Variants in YEATS2 observed in about 807,000 individuals in gnomAD.
YEATS2 encodes YEATS domain-containing protein 2.
YEATS2 carries 77 observed loss-of-function variants against 163.2 expected under a neutral mutation model. That is an observed-to-expected ratio of 0.47 (90% confidence interval 0.39 to 0.57). The LOEUF (loss-of-function observed/expected upper bound fraction) is 0.57. Among genes scored for constraint, YEATS2 ranks in the 20% least tolerant of loss-of-function variants. YEATS2 has a pLI of 0.00. For missense variants in YEATS2, 1,549 were observed against 1,729.8 expected, an observed-to-expected ratio of 0.90 and a Z score of 1.85; for synonymous variants, 631 against 645.1, an observed-to-expected ratio of 0.98 and a Z score of 0.33.
chr3:183,798,235 A>G (rs913424595), intron 22 of YEATS2, among the ~76,000 whole-genome samples, 184 bp downstream of exon 22: 2 of 152,232 alleles, frequency 1.3e-5, no homozygotes, highest in Non-Finnish European at 2.9e-5. Context: ...TAGGGCACCA[A>G]TGCCAGGACT....
chr3:183,744,729 T>C (rs1577097339), intron 8 of YEATS2, among the ~76,000 whole-genome samples: 2 of 152,316 alleles, frequency 1.3e-5, no homozygotes, highest in East Asian at 3.9e-4. Context: ...TGTCATTTTT[T>C]AGTTAACTCT....
In YEATS2 at chr3:183,806,952, G is replaced by A. The variant is rs200560930; in HGVS notation, c.3871G>A (p.Glu1291Lys). 1 of 1,614,116 alleles carries A rather than the reference G, an allele frequency of 6.2e-7. No homozygotes were observed. The highest frequency in any genetic ancestry group is 1.3e-5 in the African/African-American group (1 of 75,034). ...QQFQKREPEN[E>K]EEVDILSLSE... is the part of the protein sequence containing the mutation. ...GTTCCAGAAAAGGGAACCCGAGAAT[G>A]AGGAGGAGGTGGACATCCTCAGCCT... The change falls in exon 28 of 31, where the codon GAG (glutamate) becomes AAG (lysine). Residue 1291 changes from glutamate (E) to lysine (K), a missense_variant. Transcript: ENST00000305135.
At chr3:183,718,707 G>GTTT in intron 4 of YEATS2, 115 bp downstream of exon 4, 1 of 905,762 alleles carries the variant, frequency 1.1e-6, no homozygotes, top group Non-Finnish European at 1.6e-6. Context: ...TTGTTTTTTG[G>GTTT]TTTTTTTTTG....
At chr3:183,733,491 C>G (rs1358725803) in intron 7 of YEATS2, among the ~76,000 whole-genome samples, 1 of 152,062 alleles carries the variant, frequency 6.6e-6, no homozygotes, top group Admixed American at 6.6e-5. Flanking sequence ...ACCTAAAACT[C>G]CAGGTATGGT....
At position 183,718,007 on chromosome 3, in the gene YEATS2, T is replaced by C. The variant is rs186521513; in HGVS notation, c.198+259T>C. On this transcript the variant is annotated intron_variant, in intron 3 of 30. Coordinates refer to ENST00000305135, the MANE Select transcript of YEATS2 (RefSeq NM_018023.5). ...TCTTCTGATAGCACAGCAGGGTGAC[T>C]ACAGTCAACAATAATTTATTGTACA... is the stretch of plus-strand genomic sequence containing the variant. 1.4e-4 allele frequency among the ~76,000 whole-genome samples: 22 copies of C among 152,280 alleles called. No individual in the cohort carries two copies. In the East Asian group the frequency reaches 4.1e-3, roughly 28 times the overall value.
intron 24 of YEATS2, chr3:183,800,941 C>G (rs1369846451): frequency 5.2e-6 from 1 of 191,174 alleles, no homozygotes; most frequent in Non-Finnish European, 1.1e-5. Context: ...CTCATCTTAG[C>G]TGCCTCTTCA....
At chr3:183,777,982 C>G (rs543106567) in intron 19 of YEATS2, among the ~76,000 whole-genome samples, 65 of 151,680 alleles carry the variant, frequency 4.3e-4, no homozygotes, top group African/African-American at 1.5e-3. Flanking sequence ...TGCAGTGGTG[C>G]GTGCCTATAG....
At chr3:183,809,233 C>T in intron 30 of YEATS2, 63 bp downstream of exon 30, 1 of 1,542,178 alleles carries the variant, frequency 6.5e-7, no homozygotes, top group Non-Finnish European at 9.0e-7. Flanking sequence ...GTTGAATTGC[C>T]CATGAAGGTG....
intron 8 of YEATS2, among the ~76,000 whole-genome samples, chr3:183,737,401 A>G (rs995460310): frequency 6.6e-6 from 1 of 152,206 alleles, no homozygotes; most frequent in Admixed American, 6.5e-5. Context: ...TACTGCTACA[A>G]CACTACTTTG....
chr3:183,777,253 A>G (rs1175880637), intron 18 of YEATS2, among the ~76,000 whole-genome samples: 4 of 152,206 alleles, frequency 2.6e-5, no homozygotes, highest in African/African-American at 4.8e-5. Flanking sequence ...GAGAAAGATG[A>G]TATCAGTCTG....
At chr3:183,757,428 T>G (rs1720882977) in intron 12 of YEATS2, among the ~76,000 whole-genome samples, 2 of 152,120 alleles carry the variant, frequency 1.3e-5, no homozygotes, top group South Asian at 4.1e-4. Flanking sequence ...GTAGCTGGAA[T>G]TACAGGCGTG....
intron 9 of YEATS2, among the ~76,000 whole-genome samples, chr3:183,749,302 TAC>T (rs1362200623): frequency 6.6e-6 from 1 of 152,234 alleles, no homozygotes; most frequent in East Asian, 1.9e-4. Flanking sequence ...TTTACCGTCT[TAC>T]CCATTTTTCA....
rs182666068 is a variant in YEATS2 at position 183,775,751 on chromosome 3, C to T, written c.2369-164C>T. Among the ~76,000 whole-genome samples, 31 of 152,304 alleles carry T rather than the reference C, an allele frequency of 2.0e-4. No homozygotes were observed. The East Asian group carries it at 6.0e-3, about 29-fold the overall frequency. ...GATCTAAAATCTAGGAAGTTCTCCT[C>T]ACTCTTGTCACAGGGTAGGTAGATT... On this transcript the variant is annotated intron_variant, in intron 17 of 30. Transcript: ENST00000305135.
intron 1 of YEATS2, among the ~76,000 whole-genome samples, chr3:183,710,752 A>T (rs926622037): frequency 6.6e-6 from 1 of 151,896 alleles, no homozygotes; most frequent in East Asian, 1.9e-4. Flanking sequence ...TTCTTCAAGG[A>T]TCCCCAGCCA....
At chr3:183,808,151 A>C in intron 29 of YEATS2, 47 bp downstream of exon 29, 1 of 1,519,178 alleles carries the variant, frequency 6.6e-7, no homozygotes, top group Non-Finnish European at 8.9e-7. Context: ...GTTGCATCCC[A>C]GGCGGTTTGG....
At chr3:183,765,094 T>G (rs1020896315) in intron 15 of YEATS2, among the ~76,000 whole-genome samples, 1 of 152,148 alleles carries the variant, frequency 6.6e-6, no homozygotes, top group South Asian at 2.1e-4. Flanking sequence ...AAGACAGGCA[T>G]CCCCAACTGC....
chr3:183,803,872 A>T (rs1188651054), intron 26 of YEATS2, 115 bp from the exon 27 acceptor site: 102 of 715,084 alleles, frequency 1.4e-4, no homozygotes, highest in Middle Eastern at 4.6e-4. Flanking sequence ...TTTTTTCTTT[A>T]AAAAAAAAAA....
In YEATS2 at chr3:183,757,441, C is replaced by T. The variant is rs1286613013; in HGVS notation, c.1552+752C>T. ...ATGTAGCTGGAATTACAGGCGTGCA[C>T]CACCACGCCCAGCTAATTTTTGTAT... On this transcript the variant is annotated intron_variant, in intron 12 of 30. Coordinates refer to ENST00000305135, the MANE Select transcript of YEATS2 (RefSeq NM_018023.5). Among the ~76,000 whole-genome samples, 3 of 152,046 alleles carry T rather than the reference C, an allele frequency of 2.0e-5. No individual in the cohort carries two copies. In the East Asian group the frequency reaches 5.8e-4, roughly 30 times the overall value.
chr3:183,764,947 G>A (rs531556494), intron 15 of YEATS2, among the ~76,000 whole-genome samples: 65 of 152,086 alleles, frequency 4.3e-4, no homozygotes, highest in Non-Finnish European at 7.6e-4. Flanking sequence ...TTACTGCATC[G>A]GATTCTTCTT....
Sources: allele counts gnomAD v4.1 joint callset (sites outside exome capture counted in the v4.1 genomes callset), GRCh38; gene constraint gnomAD v4.1.1; transcripts MANE v1.5; gene names NCBI Gene and HGNC (gene_info 2026-07-23, HGNC 2026-07-21).